Variants in CD109 observed in about 807,000 individuals in gnomAD.
CD109 encodes CD109 antigen.
CD109 carries 149 observed loss-of-function variants against 165.8 expected under a neutral mutation model. The ratio of observed to expected loss-of-function variants is 0.90; its 90% CI spans 0.79 to 1.03. The LOEUF (loss-of-function observed/expected upper bound fraction) is 1.03, where lower values mean the gene tolerates loss of function less well. CD109 is among the 50% of genes least tolerant of loss of function. CD109 has a pLI of 0.00. For synonymous variants in CD109, 585 were observed against 592.1 expected (o/e 0.99, Z 0.18); for missense variants, 1,712 against 1,677.8 (o/e 1.02, Z -0.36).
At position 73,780,489 on chromosome 6, in the gene CD109, A is replaced by T. The variant is rs1562063591; in HGVS notation, c.1893A>T (p.Ala631=). 1 of 1,604,732 alleles carries T rather than the reference A, an allele frequency of 6.2e-7. No homozygotes were observed. Among genetic ancestry groups the T allele is most frequent in the East Asian group, 2.2e-5 (1 of 44,692 alleles). ...YYLGMFMNSF[A]VFQECGLWVL... The stretch of plus-strand genomic sequence containing the variant: ...TAGGCATGTTCATGAATTCTTTTGC[A>T]GTCTTTCAGGTATGTTTTGCTTGCT... The change falls in exon 16 of 33, where the codon GCA becomes GCT. Residue 631 remains alanine (A), a synonymous_variant. Coordinates refer to ENST00000287097, the MANE Select transcript of CD109 (RefSeq NM_133493.5).
At chr6:73,732,530 C>A (rs559557967) in intron 4 of CD109, among the ~76,000 whole-genome samples, 1 of 152,214 alleles carries the variant, frequency 6.6e-6, no homozygotes, top group Non-Finnish European at 1.5e-5. Flanking sequence ...TTCATACCAT[C>A]TTTCATCATT....
chr6:73,732,351 C>T (rs189499929), intron 4 of CD109, among the ~76,000 whole-genome samples: 1 of 152,276 alleles, frequency 6.6e-6, no homozygotes, highest in East Asian at 1.9e-4. Context: ...TATTTGTAGC[C>T]AGTATCACAT....
At chr6:73,697,749 GC>G (rs1400226816) in intron 2 of CD109, among the ~76,000 whole-genome samples, 177 bp downstream of exon 2, 1 of 152,166 alleles carries the variant, frequency 6.6e-6, no homozygotes, top group Non-Finnish European at 1.5e-5. Context: ...TCTTCCAAGT[GC>G]AGATTCAGAG....
chr6:73,698,332 A>AT lies in CD109; in HGVS notation c.247+767dup, dbSNP rs938085966. Among the ~76,000 whole-genome samples the AT allele has an allele frequency of 5.3e-5, 8 of 152,066 alleles. No homozygotes were observed. In the East Asian group the frequency reaches 9.7e-4, roughly 18 times the overall value. ...TTTCATTAAAATGAACTTTTATTGC[A>AT]TTTTTTTCTTTTTTTAGATTCTTAT... is the stretch of plus-strand genomic sequence containing the variant. On this transcript the variant is annotated intron_variant, in intron 2 of 32. Transcript: ENST00000287097.
chr6:73,699,432 A>G (rs1770976187), intron 2 of CD109, among the ~76,000 whole-genome samples: 8 of 152,212 alleles, frequency 5.3e-5, no homozygotes, highest in Admixed American at 5.2e-4. Context: ...GCAGAGATCC[A>G]GAATATATAT....
At chr6:73,725,504 C>CTTCTTTTT (rs747396382) in intron 3 of CD109, among the ~76,000 whole-genome samples, 13 of 89,408 alleles carry the variant, frequency 1.5e-4, no homozygotes, top group Non-Finnish European at 1.9e-4. Flanking sequence ...TACTACACTT[C>CTTCTTTTT]TTTTTTTTTT....
intron 20 of CD109, among the ~76,000 whole-genome samples, chr6:73,786,146 T>G (rs1310546961): frequency 6.6e-6 from 1 of 152,310 alleles, no homozygotes; most frequent in Non-Finnish European, 1.5e-5. Context: ...CATTCTGTTA[T>G]GTTTGTAGCC....
chr6:73,679,668 C>T, the CD109 span, among the ~76,000 whole-genome samples: 1 of 151,024 alleles, frequency 6.6e-6, no homozygotes, highest in Non-Finnish European at 1.5e-5. Flanking sequence ...TGGAGTTTCC[C>T]TTTGTTGTCT....
intron 5 of CD109, among the ~76,000 whole-genome samples, chr6:73,755,978 A>G (rs982811547): frequency 6.6e-6 from 1 of 152,026 alleles, no homozygotes; most frequent in African/African-American, 2.4e-5. Context: ...AAAAACAAAA[A>G]CAAAAGCAAC....
intron 7 of CD109, among the ~76,000 whole-genome samples, chr6:73,761,534 A>T (rs1458598198): frequency 4.6e-5 from 7 of 151,984 alleles, no homozygotes; most frequent in African/African-American, 1.7e-4. Context: ...TTATTTATTT[A>T]TTTTTTGAGT....
Position 73,792,666 on chromosome 6 carries a change from G to T in CD109, c.2742G>T (p.Leu914Phe). 1.2e-6 allele frequency: 2 copies of T among 1,613,322 alleles called. No homozygotes were observed. Among genetic ancestry groups the T allele is most frequent in the South Asian group, 1.1e-5 (1 of 91,052 alleles). The stretch of plus-strand genomic sequence containing the variant: ...CTTCCATCAATGGCTTAGCCTCATT[G>T]ATTCGGATGCCTTATGGCTGTGGTG... Reference protein sequence around the residue: ...LGPSINGLASLIRMPYGCGEQ... With the variant: ...LGPSINGLASFIRMPYGCGEQ... The change falls in exon 23 of 33, where the codon TTG (leucine) becomes TTT (phenylalanine). Residue 914 changes from leucine (L) to phenylalanine (F), a missense_variant. By Grantham distance (22) the Leu-to-Phe change is conservative. Coordinates refer to ENST00000287097, the MANE Select transcript of CD109 (RefSeq NM_133493.5).
intron 15 of CD109, among the ~76,000 whole-genome samples, chr6:73,774,436 G>C (rs1018790716): frequency 3.9e-5 from 6 of 152,176 alleles, no homozygotes; most frequent in African/African-American, 1.2e-4. Flanking sequence ...TTGGGGAAAA[G>C]AGCACCAGTA....
chr6:73,681,062 T>C, the CD109 span, among the ~76,000 whole-genome samples: 1 of 152,218 alleles, frequency 6.6e-6, no homozygotes, highest in East Asian at 1.9e-4. Flanking sequence ...GGATAGCTTT[T>C]CAGTGGCCCA....
intron 15 of CD109, among the ~76,000 whole-genome samples, chr6:73,774,413 C>T (rs971661555): frequency 2.6e-5 from 4 of 152,124 alleles, no homozygotes; most frequent in African/African-American, 9.7e-5. Flanking sequence ...TTCAGTGTTT[C>T]ACTCTTAAAC....
At chr6:73,750,032 C>A (rs974087492) in intron 5 of CD109, among the ~76,000 whole-genome samples, 1 of 152,042 alleles carries the variant, frequency 6.6e-6, no homozygotes, top group African/African-American at 2.4e-5. Context: ...TAATCGAATA[C>A]CTTCAGTGTT....
In CD109 at chr6:73,723,679, G is replaced by A. The variant is rs573094872; in HGVS notation, c.276+400G>A. On this transcript the variant is annotated intron_variant, in intron 3 of 32. Transcript: ENST00000287097. The stretch of plus-strand genomic sequence containing the variant: ...CACCACATGTTCTCACTTATAAGTG[G>A]GAGCTGAATGATGAGAACACATGGA... 3.9e-5 allele frequency among the ~76,000 whole-genome samples: 6 copies of A among 152,210 alleles called. No individual in the cohort carries two copies. In the East Asian group the frequency reaches 9.6e-4, roughly 24 times the overall value.
intron 23 of CD109, among the ~76,000 whole-genome samples, chr6:73,793,253 T>C (rs1355448667): frequency 6.6e-6 from 1 of 152,188 alleles, no homozygotes; most frequent in Non-Finnish European, 1.5e-5. Flanking sequence ...ACAGACGCAG[T>C]GCCGTGTGGT....
rs1338892285 is a variant in CD109 at position 73,823,615 on chromosome 6, T to C, written c.4320T>C (p.Phe1440=). Residue 1440 remains phenylalanine (F), a synonymous_variant, in exon 33 of 33, where the codon TTT becomes TTC. Coordinates refer to ENST00000287097, the MANE Select transcript of CD109 (RefSeq NM_133493.5). ...IFIFCFKLLY[F]MELWL is the part of the protein sequence containing the mutation. The stretch of plus-strand genomic sequence containing the variant: ...TTTTCTGTTTCAAGCTTCTGTACTT[T>C]ATGGAACTTTGGCTGTGATTTATTT... 5 of 1,609,254 alleles carry C rather than the reference T, an allele frequency of 3.1e-6. No homozygotes were observed. Among genetic ancestry groups the C allele is most frequent in the Non-Finnish European group, 4.2e-6 (5 of 1,176,818 alleles).
Position 73,744,041 on chromosome 6 carries a change from C to T in CD109, c.633+7533C>T, listed in dbSNP as rs536326843. Among the ~76,000 whole-genome samples, 284 of 152,296 alleles carry T rather than the reference C, an allele frequency of 1.9e-3. 1 individual carries two copies. Among genetic ancestry groups the T allele is most frequent in the African/African-American group, 6.5e-3 (270 of 41,554 alleles). On this transcript the variant is annotated intron_variant, in intron 5 of 32. Coordinates refer to ENST00000287097, the MANE Select transcript of CD109 (RefSeq NM_133493.5). ...TAGCGTTATTTTCGTTTTTTAAAAACTGTGGTAAGATATATATGTAAAATT... is the reference window on the plus strand; with the variant it reads ...TAGCGTTATTTTCGTTTTTTAAAAATTGTGGTAAGATATATATGTAAAATT...
Sources: allele counts gnomAD v4.1 joint callset (sites outside exome capture counted in the v4.1 genomes callset), GRCh38; gene constraint gnomAD v4.1.1; transcripts MANE v1.5; gene names NCBI Gene and HGNC (gene_info 2026-07-23, HGNC 2026-07-21).